Variants in PRR36 observed in about 807,000 individuals in gnomAD.
PRR36 encodes the protein proline rich 36, also known as proline-rich protein 36.
PRR36 carries 30 observed loss-of-function variants against 58.6 expected under a neutral mutation model. The observed-to-expected ratio is 0.51, with a 90% CI of 0.38 to 0.69. PRR36 has a LOEUF of 0.69. Ranked by LOEUF, PRR36 falls within the 30% of genes least tolerant of loss-of-function variation. The pLI, the probability that PRR36 is intolerant of heterozygous loss-of-function variation, is 0.00. For synonymous variants in PRR36, 771 were observed against 829.3 expected, an observed-to-expected ratio of 0.93 and a Z score of 1.21; for missense variants, 1,692 against 1,805.6, an observed-to-expected ratio of 0.94 and a Z score of 1.14.
chr19:7,870,026 G>C lies in PRR36; in HGVS notation c.3218C>G (p.Thr1073Ser), dbSNP rs1453916823. The change falls in exon 5 of 6, where the codon ACC (threonine) becomes AGC (serine). Residue 1073 changes from threonine to serine, a missense_variant. Physicochemically the swap from Thr to Ser is moderately conservative, Grantham distance 58. Coordinates refer to ENST00000618550, the MANE Select transcript of PRR36 (RefSeq NM_001190467.2). The part of the protein sequence containing the change: ...QVPPSPPASP[T>S]LQAPRRPPTP... The stretch of plus-strand genomic sequence containing the variant: ...CGGGGGGCGGCGTGGGGCCTGCAGG[G>C]TGGGTGAGGCAGGGGGAGAGGGAGG... 4 of 1,446,330 alleles carry C rather than the reference G, an allele frequency of 2.8e-6. No individual in the cohort carries two copies. The highest frequency in any genetic ancestry group is 3.6e-6 in the Non-Finnish European group (4 of 1,105,570). The allele number at this position is 1,446,330 out of a possible 1,614,324, so 89.6% of individuals were successfully genotyped here. A position where few individuals can be genotyped will look rare whatever the true frequency, so the allele number is the denominator to read the frequency against.
In PRR36 at chr19:7,872,714, G is replaced by A. The variant is rs1240363987; in HGVS notation, c.530C>T (p.Ala177Val). The A allele has an allele frequency of 1.4e-6, 2 of 1,447,832 alleles. No individual in the cohort carries two copies. The highest frequency in any genetic ancestry group is 2.9e-5 in the African/African-American group (2 of 69,924). 89.7% of individuals were successfully genotyped at this position (1,447,832 alleles called of 1,614,324 possible). A position where few individuals can be genotyped will look rare whatever the true frequency, so the allele number is the denominator to read the frequency against. Residue 177 changes from alanine to valine, a missense_variant, in exon 5 of 6, where the codon GCC becomes GTC. By Grantham distance (64) the Ala-to-Val change is moderately conservative. Transcript: ENST00000618550. This position sits in a 1 kb window ranked among gnomAD's most constrained non-coding sequence, Gnocchi z 6.1. ...GGTGCCCGCAGCCCGGGACCGACGG[G>A]CCATGGCCGGGGACGGGGTTCCTGG... ...PTPGTPSPAM[A>V]RRSRAAGTEV...
In PRR36 at chr19:7,871,440, G is replaced by A. The variant is rs1209626264; in HGVS notation, c.1804C>T (p.Pro602Ser). ...HSLTSPSLQAPPSPLALSSLQ... is the reference protein window; with the variant it reads ...HSLTSPSLQASPSPLALSSLQ... ...GAGGACAAAGCCAGAGGAGAGGGAG[G>A]TGCCTGCAGAGACGGTGAGGTCAGA... Residue 602 changes from proline (P) to serine (S), a missense_variant, in exon 5 of 6, where the codon CCT (proline) becomes TCT (serine). This residue lies in a region of PRR36 where 975 missense variants were observed against 955.2 expected (regional missense o/e 1.02). Transcript: ENST00000618550. 1 of 1,535,548 alleles carries A rather than the reference G, an allele frequency of 6.5e-7. No individual in the cohort carries two copies. The highest frequency in any genetic ancestry group is 1.2e-5 in the South Asian group (1 of 84,056).
At position 7,870,401 on chromosome 19, in the gene PRR36, G is replaced by A; in HGVS notation, c.2843C>T (p.Ala948Val). The change falls in exon 5 of 6, where the codon GCC becomes GTC. Residue 948 changes from alanine (A) to valine (V), a missense_variant. Physicochemically the swap from Ala to Val is moderately conservative, Grantham distance 64. This residue lies in a region of PRR36 where 23 missense variants were observed against 54.2 expected (regional missense o/e 0.42). Transcript: ENST00000618550. The part of the protein sequence containing the change: ...MSPSATPPPQ[A>V]PPPLAAPPLQ... ...AGGAGGCGCAGCGAGAGGGGGTGGGGCCTGTGGAGGGGGCGTGGCTGAAGG... is the reference window on the plus strand; with the variant it reads ...AGGAGGCGCAGCGAGAGGGGGTGGGACCTGTGGAGGGGGCGTGGCTGAAGG... The A allele has an allele frequency of 2.0e-6, 1 of 501,568 alleles. No homozygotes were observed. The highest frequency in any genetic ancestry group is 2.6e-6 in the Non-Finnish European group (1 of 385,118). The allele number at this position is 501,568 out of a possible 1,614,324, so 31.1% of individuals were successfully genotyped here.
Position 7,869,286 on chromosome 19 carries a change from C to T in PRR36, c.3788G>A (p.Arg1263Gln). 1 of 1,455,962 alleles carries T rather than the reference C, an allele frequency of 6.9e-7. No homozygotes were observed. The highest frequency in any genetic ancestry group is 9.0e-7 in the Non-Finnish European group (1 of 1,115,632). The allele number at this position is 1,455,962 out of a possible 1,614,324, so 90.2% of individuals were successfully genotyped here. A position where few individuals can be genotyped will look rare whatever the true frequency, so the allele number is the denominator to read the frequency against. Residue 1263 changes from arginine to glutamine, a missense_variant, in exon 6 of 6, where the codon CGG becomes CAG. By Grantham distance (43) the Arg-to-Gln change is conservative. This residue lies in a region of PRR36 where 485 missense variants were observed against 549.2 expected (regional missense o/e 0.88). Transcript: ENST00000618550. ...CTCGGCAGCCGCCAGCAGCAGCGTC[C>T]GGCTCAGCAGGTGCTGCACGACGCT... is the stretch of plus-strand genomic sequence containing the variant. ...QASVVQHLLSRTLLLAAAEGA... is the reference protein window; with the variant it reads ...QASVVQHLLSQTLLLAAAEGA...
rs1288988859 is a variant in PRR36 at position 7,869,346 on chromosome 19, C to A, written c.3728G>T (p.Arg1243Leu). The A allele has an allele frequency of 9.1e-6, 13 of 1,428,418 alleles. No homozygotes were observed. The highest frequency in any genetic ancestry group is 1.4e-5 in the South Asian group (1 of 69,448). 88.5% of individuals were successfully genotyped at this position (1,428,418 alleles called of 1,614,324 possible). A position where few individuals can be genotyped will look rare whatever the true frequency, so the allele number is the denominator to read the frequency against. Residue 1243 changes from arginine to leucine, a missense_variant, in exon 6 of 6, where the codon CGC becomes CTC. Physicochemically the swap from Arg to Leu is moderately radical, Grantham distance 102. Coordinates refer to ENST00000618550, the MANE Select transcript of PRR36 (RefSeq NM_001190467.2). ...GASSRSPKQA[R>L]LGELPLGALQ... ...CGCCCCCAGTGGCAGCTCGCCCAGGCGCGCCTGCTTCGGGCTCCGCGAGGA... is the reference window on the plus strand; with the variant it reads ...CGCCCCCAGTGGCAGCTCGCCCAGGAGCGCCTGCTTCGGGCTCCGCGAGGA...
At position 7,871,112 on chromosome 19, in the gene PRR36, A is replaced by G; in HGVS notation, c.2132T>C (p.Leu711Pro). Residue 711 changes from leucine to proline, a missense_variant, in exon 5 of 6, where the codon CTG becomes CCG. Transcript: ENST00000618550. Reference sequence around the variant, plus strand: ...TGGGGCTAGGGAAGATTGGGTCTCCAGAGGGGGCATGATCAGGGAAGAGAG... The same window carrying G: ...TGGGGCTAGGGAAGATTGGGTCTCCGGAGGGGGCATGATCAGGGAAGAGAG... Reference protein sequence around the residue: ...APLSSLIMPPLETQSSLAPPS... With the variant: ...APLSSLIMPPPETQSSLAPPS... 6.5e-7 allele frequency: 1 copy of G among 1,534,248 alleles called. No homozygotes were observed.
rs533680885 is a variant in PRR36, at chr19:7,872,729, G to T, written c.515C>A (p.Pro172Gln). Reference sequence around the variant, plus strand: ...GGACCGACGGGCCATGGCCGGGGACGGGGTTCCTGGGGTAGGCCCGGAAGT... The same window carrying T: ...GGACCGACGGGCCATGGCCGGGGACTGGGTTCCTGGGGTAGGCCCGGAAGT... ...RDTSGPTPGT[P>Q]SPAMARRSRA... The change falls in exon 5 of 6, where the codon CCG becomes CAG. Residue 172 changes from proline (P) to glutamine (Q), a missense_variant. Pro to Gln is a moderately conservative substitution (Grantham distance 76). This residue lies in a region of PRR36 where 975 missense variants were observed against 955.2 expected (regional missense o/e 1.02). Coordinates refer to ENST00000618550, the MANE Select transcript of PRR36 (RefSeq NM_001190467.2). This position sits in a 1 kb window ranked among gnomAD's most constrained non-coding sequence, Gnocchi z 6.1. 1 of 1,449,116 alleles carries T rather than the reference G, an allele frequency of 6.9e-7. No individual in the cohort carries two copies. Among genetic ancestry groups the T allele is most frequent in the South Asian group, 1.4e-5 (1 of 70,144 alleles). 89.8% of individuals were successfully genotyped at this position (1,449,116 alleles called of 1,614,324 possible).
Position 7,872,245 on chromosome 19 carries a change from G to C in PRR36, c.999C>G (p.Pro333=), listed in dbSNP as rs1240262036. 2.1e-6 allele frequency: 3 copies of C among 1,457,462 alleles called. No homozygotes were observed. The Admixed American group carries it at 7.8e-5, about 38-fold the overall frequency. 90.3% of individuals were successfully genotyped at this position (1,457,462 alleles called of 1,614,324 possible). The part of the protein sequence containing the change: ...AATPLPATLP[P]SPPVTPPPPA... ...GCGGAGGGGGCGTTACCGGTGGAGA[G>C]GGAGGGAGCGTGGCTGGCAGGGGAG... The change falls in exon 5 of 6, where the codon CCC becomes CCG. Residue 333 remains proline (P), a synonymous_variant. Transcript: ENST00000618550. This position sits in a 1 kb window ranked among gnomAD's most constrained non-coding sequence, Gnocchi z 6.1.
At position 7,873,787 on chromosome 19, in the gene PRR36, GCATCGCCACC is replaced by G. The variant is rs1980583604; in HGVS notation, c.-7-101_-7-92del. ...CCTGCTACCTCACTGCCCTTTCGCA[GCATCGCCACC>G]CATGGACACTCAAACCTCGGCCTCG... On this transcript the variant is annotated intron_variant, in intron 1 of 5. Coordinates refer to ENST00000618550, the MANE Select transcript of PRR36 (RefSeq NM_001190467.2). This position sits in a 1 kb window ranked among gnomAD's most constrained non-coding sequence, Gnocchi z 5.0. 7.8e-7 allele frequency: 1 copy of G among 1,287,480 alleles called. No individual in the cohort carries two copies. The highest frequency in any genetic ancestry group is 1.5e-5 in the South Asian group (1 of 67,814). 79.8% of individuals were successfully genotyped at this position (1,287,480 alleles called of 1,614,324 possible). A position where few individuals can be genotyped will look rare whatever the true frequency, so the allele number is the denominator to read the frequency against.
Position 7,871,275 on chromosome 19 carries a change from G to A in PRR36, c.1969C>T (p.Gln657Ter). The A allele has an allele frequency of 2.0e-6, 3 of 1,532,992 alleles. No individual in the cohort carries two copies. Among genetic ancestry groups the A allele is most frequent in the Non-Finnish European group, 2.6e-6 (3 of 1,145,736 alleles). 95.0% of individuals were successfully genotyped at this position (1,532,992 alleles called of 1,614,324 possible). ...GAGGCAGGAAGGGAAAGAGGGGCCT[G>A]CAGAGGGGGTGAATCAGGGGGAGTA... ...ASTPPDSPPLQAPLSLPASPP... is the reference protein window; with the variant it reads ...ASTPPDSPPL The change falls in exon 5 of 6, where the codon CAG (glutamine) becomes TAG (stop). Residue 657 changes from glutamine (Q) to a stop codon, truncating the protein, a stop_gained. Transcript: ENST00000618550. LOFTEE classifies it high-confidence loss of function.
In PRR36 at chr19:7,872,341, G is replaced by C; in HGVS notation, c.903C>G (p.Ser301=). ...ATGGAGAGGGTGTGGCCAAAGGAGA[G>C]GAAGAAAGCGGTCCTAGTGCTGGGG... ...DAAPALGPLS[S]SPLATPSPSG... The change falls in exon 5 of 6, where the codon TCC becomes TCG. Residue 301 remains serine, a synonymous_variant. Transcript: ENST00000618550. The surrounding 1 kb of genome is among the most constrained non-coding windows in gnomAD (Gnocchi z 6.1). 6.9e-7 allele frequency: 1 copy of C among 1,452,204 alleles called. No homozygotes were observed. Among genetic ancestry groups the C allele is most frequent in the Middle Eastern group, 1.8e-4 (1 of 5,572 alleles). The allele number at this position is 1,452,204 out of a possible 1,614,324, so 90.0% of individuals were successfully genotyped here.
At position 7,872,754 on chromosome 19, in the gene PRR36, T is replaced by A. The variant is rs1342908872; in HGVS notation, c.490A>T (p.Thr164Ser). The A allele has an allele frequency of 1.4e-6, 2 of 1,467,804 alleles. No individual in the cohort carries two copies. The highest frequency in any genetic ancestry group is 4.9e-5 in the Admixed American group (2 of 40,622). 90.9% of individuals were successfully genotyped at this position (1,467,804 alleles called of 1,614,324 possible). A position where few individuals can be genotyped will look rare whatever the true frequency, so the allele number is the denominator to read the frequency against. Residue 164 changes from threonine to serine, a missense_variant and splice_region_variant, in exon 5 of 6, where the codon ACT (threonine) becomes TCT (serine). This residue lies in a region of PRR36 where 975 missense variants were observed against 955.2 expected (regional missense o/e 1.02). Transcript: ENST00000618550. This position sits in a 1 kb window ranked among gnomAD's most constrained non-coding sequence, Gnocchi z 6.1. ...SALSAGARRD[T>S]SGPTPGTPSP... ...GGGGTTCCTGGGGTAGGCCCGGAAGTGTCTGGAGAAAAAGTAGAAGGCCAA... is the reference window on the plus strand; with the variant it reads ...GGGGTTCCTGGGGTAGGCCCGGAAGAGTCTGGAGAAAAAGTAGAAGGCCAA...
Position 7,869,899 on chromosome 19 carries a change from G to T in PRR36, c.3345C>A (p.Ser1115Arg). The T allele has an allele frequency of 7.4e-7, 1 of 1,359,848 alleles. No individual in the cohort carries two copies. Among genetic ancestry groups the T allele is most frequent in the Non-Finnish European group, 9.4e-7 (1 of 1,063,536 alleles). The allele number at this position is 1,359,848 out of a possible 1,614,324, so 84.2% of individuals were successfully genotyped here. The change falls in exon 5 of 6, where the codon AGC becomes AGA. Residue 1115 changes from serine (S) to arginine (R), a missense_variant. By Grantham distance (110) the Ser-to-Arg change is moderately radical. Around this residue, in one of 5 missense-constraint regions of PRR36, gnomAD observed 485 missense variants for 549.2 expected, o/e 0.88. Coordinates refer to ENST00000618550, the MANE Select transcript of PRR36 (RefSeq NM_001190467.2). ...TGCTGTGGCCGGCCAGGTCTGGGCC[G>T]CTCAGCGTGCTGGACGGGCTGCGCG... Reference protein sequence around the residue: ...PPSRSPSSTLSGPDLAGHSSS... With the variant: ...PPSRSPSSTLRGPDLAGHSSS...
chr19:7,873,659 C>T lies in PRR36; in HGVS notation c.31G>A (p.Gly11Arg), dbSNP rs987405236. ...GCAGCCGGCGTCCGCGCGGCGGCCCCTGCCTTCGCCTTGTCTCTCTTGTTG... is the reference window on the plus strand; with the variant it reads ...GCAGCCGGCGTCCGCGCGGCGGCCCTTGCCTTCGCCTTGTCTCTCTTGTTG... MDNKRDKAKA[G>R]AAARTPAARA... The change falls in exon 2 of 6, where the codon GGG (glycine) becomes AGG (arginine). Residue 11 changes from glycine to arginine, a missense_variant. By Grantham distance (125) the Gly-to-Arg change is moderately radical. Around this residue, in one of 5 missense-constraint regions of PRR36, gnomAD observed 975 missense variants for 955.2 expected, o/e 1.02. Transcript: ENST00000618550. This position sits in a 1 kb window ranked among gnomAD's most constrained non-coding sequence, Gnocchi z 5.0. 3 of 1,535,144 alleles carry T rather than the reference C, an allele frequency of 2.0e-6. No homozygotes were observed. The highest frequency in any genetic ancestry group is 2.6e-6 in the Non-Finnish European group (3 of 1,146,722).
Position 7,872,932 on chromosome 19 carries a change from C to A in PRR36, c.404G>T (p.Arg135Leu). 1.3e-6 allele frequency: 2 copies of A among 1,536,056 alleles called. No individual in the cohort carries two copies. Among genetic ancestry groups the A allele is most frequent in the Non-Finnish European group, 1.7e-6 (2 of 1,146,870 alleles). The change falls in exon 4 of 6, where the codon CGG (arginine) becomes CTG (leucine). Residue 135 changes from arginine (R) to leucine (L), a missense_variant. Physicochemically the swap from Arg to Leu is moderately radical, Grantham distance 102 (BLOSUM62 -2). Coordinates refer to ENST00000618550, the MANE Select transcript of PRR36 (RefSeq NM_001190467.2). This position sits in a 1 kb window ranked among gnomAD's most constrained non-coding sequence, Gnocchi z 6.1. ...GGCCACAGTTTCCTCCGCTGAGATC[C>A]GGAGTCCCTTCTGGCCAAGAGGGCC... is the stretch of plus-strand genomic sequence containing the variant. ...RPGPLGQKGL[R>L]ISAEETVARG...
Position 7,871,567 on chromosome 19 carries a change from C to A in PRR36, c.1677G>T (p.Leu559=), listed in dbSNP as rs1980448199. The change falls in exon 5 of 6, where the codon CTG becomes CTT. Residue 559 remains leucine, a synonymous_variant. Coordinates refer to ENST00000618550, the MANE Select transcript of PRR36 (RefSeq NM_001190467.2). ...GGGCCTGTGGGTGGGGCGGAGCCTG[C>A]AGAGGCGGTGAGGCCAAAAGAGAGG... ...VSPSLLASPP[L]QAPPHPQAPP... 2 of 1,535,012 alleles carry A rather than the reference C, an allele frequency of 1.3e-6. No homozygotes were observed. Among genetic ancestry groups the A allele is most frequent in the South Asian group, 2.4e-5 (2 of 84,032 alleles).
chr19:7,873,716 C>T lies in PRR36; in HGVS notation c.-7-20G>A, dbSNP rs1363745682. The T allele has an allele frequency of 1.5e-5, 23 of 1,530,180 alleles. No individual in the cohort carries two copies. The highest frequency in any genetic ancestry group is 2.0e-5 in the Non-Finnish European group (23 of 1,143,938). 94.8% of individuals were successfully genotyped at this position (1,530,180 alleles called of 1,614,324 possible). A position where few individuals can be genotyped will look rare whatever the true frequency, so the allele number is the denominator to read the frequency against. ...TTGCACCTGAAGAGACAAACCGGTC[C>T]GCATCCCAGGTTCTGGACAGCTACG... On this transcript the variant is annotated intron_variant, in intron 1 of 5. Coordinates refer to ENST00000618550, the MANE Select transcript of PRR36 (RefSeq NM_001190467.2). This position sits in a 1 kb window ranked among gnomAD's most constrained non-coding sequence, Gnocchi z 5.0.
In PRR36 at chr19:7,873,153, C is replaced by G. The variant is rs1441534904; in HGVS notation, c.374+44G>C. On this transcript the variant is annotated intron_variant, in intron 3 of 5. Transcript: ENST00000618550. This position sits in a 1 kb window ranked among gnomAD's most constrained non-coding sequence, Gnocchi z 5.0. ...AAATAAAAGGTTCCAGACTCTGTGA[C>G]GCTAACCCTGGCTTAGGAGACTGGG... 4 of 1,517,154 alleles carry G rather than the reference C, an allele frequency of 2.6e-6. No homozygotes were observed. Among genetic ancestry groups the G allele is most frequent in the South Asian group, 1.2e-5 (1 of 83,698 alleles). The allele number at this position is 1,517,154 out of a possible 1,614,324, so 94.0% of individuals were successfully genotyped here.
chr19:7,868,792 G>A lies in PRR36; in HGVS notation c.*241C>T, dbSNP rs189895706. Reference sequence around the variant, plus strand: ...TGGGCAATACACTGCACACGGGGCGGGACTCGGGGAAACGGGGCGTGTCCT... The same window carrying A: ...TGGGCAATACACTGCACACGGGGCGAGACTCGGGGAAACGGGGCGTGTCCT... On this transcript the variant is annotated 3_prime_UTR_variant, in exon 6 of 6. Coordinates refer to ENST00000618550, the MANE Select transcript of PRR36 (RefSeq NM_001190467.2). The A allele has an allele frequency of 2.4e-4, 117 of 478,494 alleles. No individual in the cohort carries two copies. The highest frequency in any genetic ancestry group is 3.7e-4 in the Non-Finnish European group (100 of 272,466). The allele number at this position is 478,494 out of a possible 1,614,324, so 29.6% of individuals were successfully genotyped here. A position where few individuals can be genotyped will look rare whatever the true frequency, so the allele number is the denominator to read the frequency against.
Sources: allele counts gnomAD v4.1 joint callset, GRCh38; gene constraint gnomAD v4.1.1; regional missense constraint gnomAD v4.1.1; non-coding constraint Gnocchi (gnomAD v3.1); transcripts MANE v1.5; gene names NCBI Gene and HGNC (gene_info 2026-07-23, HGNC 2026-07-21).